Variants in MME observed in about 807,000 individuals in gnomAD.
MME encodes the protein neprilysin.
A neutral mutation model predicts 113.2 loss-of-function variants in MME; 98 were observed. The ratio of observed to expected loss-of-function variants is 0.87; its 90% CI spans 0.74 to 1.02. The LOEUF (loss-of-function observed/expected upper bound fraction) is 1.02. Among genes scored for constraint, MME ranks in the 50% least tolerant of loss-of-function variants. The probability of loss-of-function intolerance (pLI) is 0.00; values close to 1 mark genes in which losing one functional copy is unlikely to be tolerated. For missense variants in MME, 836 were observed against 896.0 expected (o/e 0.93, Z 0.86); for synonymous variants, 292 against 300.6 (o/e 0.97, Z 0.30).
At chr3:155,108,023 C>T (rs915626278) in intron 3 of MME, among the ~76,000 whole-genome samples, 1 of 152,110 alleles carries the variant, frequency 6.6e-6, no homozygotes, top group Non-Finnish European at 1.5e-5. Flanking sequence ...AATGTTAGTG[C>T]ATCAACAAAA....
intron 8 of MME, 148 bp from the exon 9 acceptor site, chr3:155,137,954 G>T: frequency 1.2e-6 from 1 of 863,628 alleles, no homozygotes; most frequent in Non-Finnish European, 1.9e-6. Flanking sequence ...ATCTGTGCAG[G>T]TCATTTCTTT....
At position 155,058,244 on chromosome 3, in the gene MME, T is replaced by C. The variant is rs757119826; in HGVS notation, c.-10-25914T>C. Among the ~76,000 whole-genome samples, 41 of 152,248 alleles carry C rather than the reference T, an allele frequency of 2.7e-4. 1 individual carries two copies. Among genetic ancestry groups the C allele is most frequent in the Admixed American group, 4.6e-4 (7 of 15,282 alleles). On this transcript the variant is annotated intron_variant, in intron 1 of 22. Transcript: ENST00000492661. ...GTGTTAAATAGTAGAATTCGATCAG[T>C]TCAGGTCCAGAAGTAGGATGAACAT...
chr3:155,076,715 A>T (rs1308489155), upstream of MME, among the ~76,000 whole-genome samples: 1 of 152,230 alleles, frequency 6.6e-6, no homozygotes, highest in East Asian at 1.9e-4. Context: ...ATTATATGCC[A>T]AACAAGGGGT....
chr3:155,155,099 G>A (rs74989912), intron 16 of MME, among the ~76,000 whole-genome samples: 132 of 152,220 alleles, frequency 8.7e-4, no homozygotes, highest in African/African-American at 3.0e-3. Flanking sequence ...TTAGCAAAAT[G>A]TGTTCTATTG....
intron 1 of MME, among the ~76,000 whole-genome samples, chr3:155,026,112 C>CTA (rs1712776000): frequency 6.6e-6 from 1 of 151,132 alleles, no homozygotes; most frequent in East Asian, 2.0e-4. Flanking sequence ...ATCTGTTCTG[C>CTA]TATAGGCATG....
chr3:155,025,042 T>C (rs1321040203), intron 1 of MME, among the ~76,000 whole-genome samples: 10 of 152,206 alleles, frequency 6.6e-5, no homozygotes, highest in Admixed American at 5.9e-4. Flanking sequence ...ATGTGAAGTC[T>C]GTCTCGCAGA....
chr3:155,137,118 A>G (rs1316467387), intron 8 of MME, among the ~76,000 whole-genome samples: 1 of 152,214 alleles, frequency 6.6e-6, no homozygotes, highest in Non-Finnish European at 1.5e-5. Context: ...TACTTTTGCA[A>G]ATTAAGATGT....
At chr3:155,077,466 G>A (rs951632321), upstream of MME, among the ~76,000 whole-genome samples, 2 of 152,124 alleles carry the variant, frequency 1.3e-5, no homozygotes, top group African/African-American at 4.8e-5. Flanking sequence ...GACTCTTTAA[G>A]ATCCCTTAAA....
rs1085307704 is a variant in MME, at chr3:155,084,157, G to C, written c.-10-1G>C. The C allele has an allele frequency of 1.2e-6, 2 of 1,612,472 alleles. No homozygotes were observed. Among genetic ancestry groups the C allele is most frequent in the Non-Finnish European group, 1.7e-6 (2 of 1,178,760 alleles). The stretch of plus-strand genomic sequence containing the variant: ...ATTATTAGTATTTTCATTTTTTGCA[G>C]ATTTTAGGTGATGGGCAAGTCAGAA... On this transcript the variant is annotated splice_acceptor_variant, in intron 1 of 22. Transcript: ENST00000360490. LOFTEE classifies it low-confidence loss of function (5UTR_SPLICE).
At chr3:155,155,745 G>T (rs1055666365) in intron 16 of MME, among the ~76,000 whole-genome samples, 5 of 152,164 alleles carry the variant, frequency 3.3e-5, no homozygotes, top group African/African-American at 9.7e-5. Flanking sequence ...CAGGAGAAAA[G>T]TCACCAAAGA....
chr3:155,048,499 T>C (rs1012922251), intron 1 of MME, among the ~76,000 whole-genome samples: 1 of 152,208 alleles, frequency 6.6e-6, no homozygotes, highest in African/African-American at 2.4e-5. Context: ...TGTTTAATGA[T>C]ACCTTTTGTA....
intron 12 of MME, among the ~76,000 whole-genome samples, chr3:155,143,183 C>T (rs573304628): frequency 1.3e-5 from 2 of 152,128 alleles, no homozygotes; most frequent in African/African-American, 2.4e-5. Flanking sequence ...GTTTTTCTAA[C>T]GCTTTCTACA....
At chr3:155,124,789 G>C (rs1257032782) in intron 8 of MME, among the ~76,000 whole-genome samples, 5 of 152,018 alleles carry the variant, frequency 3.3e-5, no homozygotes, top group African/African-American at 1.2e-4. Context: ...CAGATCTCCA[G>C]CTGTGTGCTG....
intron 8 of MME, among the ~76,000 whole-genome samples, chr3:155,133,497 C>T (rs771420127): frequency 2.0e-5 from 3 of 151,196 alleles, no homozygotes; most frequent in African/African-American, 4.9e-5. Flanking sequence ...TTAAATACAT[C>T]GGTAAGGATA....
At chr3:155,033,243 A>G (rs1338818739) in intron 1 of MME, among the ~76,000 whole-genome samples, 2 of 152,172 alleles carry the variant, frequency 1.3e-5, no homozygotes, top group Admixed American at 6.5e-5. Flanking sequence ...CTTTGGCACC[A>G]TAAATTTAGA....
At chr3:155,078,736 T>C (rs1251809489), upstream of MME, among the ~76,000 whole-genome samples, 4 of 151,404 alleles carry the variant, frequency 2.6e-5, no homozygotes, top group African/African-American at 7.3e-5. Flanking sequence ...GTATTAAAGG[T>C]ACTTGTACAC....
At chr3:155,112,621 G>C (rs573301017) in intron 3 of MME, 2 of 152,352 alleles carry the variant, frequency 1.3e-5, no homozygotes, top group Non-Finnish European at 2.9e-5. Context: ...ACATAGGTAA[G>C]AAGAGGCCTG....
intron 1 of MME, among the ~76,000 whole-genome samples, chr3:155,070,436 T>C (rs77400040): frequency 0.021 from 3,172 of 152,268 alleles, 87 homozygotes; most frequent in African/African-American, 0.056. Flanking sequence ...TTTTTAAAAG[T>C]GTTCTTTTTG....
chr3:155,087,833 C>T (rs1715897671), intron 3 of MME, among the ~76,000 whole-genome samples: 1 of 152,110 alleles, frequency 6.6e-6, no homozygotes, highest in Non-Finnish European at 1.5e-5. Flanking sequence ...TCCCAAGGAG[C>T]AATGTGACAT....
Sources: gnomAD v4.1 joint callset for allele counts (sites outside exome capture counted in the v4.1 genomes callset) on GRCh38, gnomAD v4.1.1 for gene constraint, MANE v1.5 for transcripts, NCBI Gene and HGNC (gene_info 2026-07-23, HGNC 2026-07-21) for gene names.